Variants in BORA observed in about 807,000 individuals in gnomAD.
BORA encodes the protein BORA aurora kinase A activator.
Under a neutral mutation model 55.8 loss-of-function variants are expected in BORA, and 26 were observed. The ratio of observed to expected loss-of-function variants is 0.47; its 90% confidence interval spans 0.34 to 0.65. The LOEUF (loss-of-function observed/expected upper bound fraction) is 0.65. Ranked by LOEUF, BORA falls within the 30% of genes least tolerant of loss-of-function variation. The pLI is 0.01. For missense variants in BORA, 568 were observed against 671.5 expected, an observed-to-expected ratio of 0.85 and a Z score of 1.70; for synonymous variants, 201 against 216.9, an observed-to-expected ratio of 0.93 and a Z score of 0.64.
At chr13:72,735,099 T>A in intron 4 of BORA, 94 bp downstream of exon 4, 1 of 981,672 alleles carries the variant, frequency 1.0e-6, no homozygotes, top group South Asian at 1.4e-5. Flanking sequence ...ATTCCTTCAC[T>A]GTCCTATCTC....
At chr13:72,738,089 G>T in intron 5 of BORA, 46 bp downstream of exon 5, 1 of 1,407,588 alleles carries the variant, frequency 7.1e-7, no homozygotes, top group Non-Finnish European at 9.9e-7. Flanking sequence ...AAAAGTCGGT[G>T]AATATAAAGC....
In BORA at chr13:72,744,981, G is replaced by T. The variant is rs537006391; in HGVS notation, c.512G>T (p.Gly171Val). The part of the protein sequence containing the change: ...PVDFNLENIL[G>V]DYFRADEFAD... ...CCTTTTCTCCTATTATTAAATATAG[G>T]TGACTATTTTAGAGCTGATGAATTT... Residue 171 changes from glycine to valine, a missense_variant and splice_region_variant, in exon 8 of 12, where the codon GGT becomes GTT. Gly to Val is a moderately radical substitution (Grantham distance 109). Transcript: ENST00000390667. The T allele has an allele frequency of 6.2e-6, 10 of 1,612,230 alleles. No individual in the cohort carries two copies. Among genetic ancestry groups the T allele is most frequent in the Non-Finnish European group, 8.5e-6 (10 of 1,178,826 alleles).
chr13:72,728,102 G>C, intron 1 of BORA, 95 bp downstream of exon 1: 1 of 1,491,308 alleles, frequency 6.7e-7, no homozygotes, highest in Non-Finnish European at 9.1e-7. Flanking sequence ...CTCGCCCCTG[G>C]TGAATGGGAG....
rs773800333 is a variant in BORA, at chr13:72,746,900, T to C, written c.1271T>C (p.Val424Ala). 2 of 1,614,118 alleles carry C rather than the reference T, an allele frequency of 1.2e-6. No individual in the cohort carries two copies. The highest frequency in any genetic ancestry group is 1.7e-6 in the Non-Finnish European group (2 of 1,180,006). ...SEKELALLQDVEREKDNNTVD... is the reference protein window; with the variant it reads ...SEKELALLQDAEREKDNNTVD... ...AAAGAATTAGCACTGTTGCAGGATG[T>C]TGAAAGGGAGAAAGACAATAACACT... The change falls in exon 10 of 12, where the codon GTT (valine) becomes GCT (alanine). Residue 424 changes from valine (V) to alanine (A), a missense_variant. Physicochemically the swap from Val to Ala is moderately conservative, Grantham distance 64. Transcript: ENST00000390667.
At chr13:72,734,290 G>A (rs1253195552) in intron 3 of BORA, among the ~76,000 whole-genome samples, 2 of 150,650 alleles carry the variant, frequency 1.3e-5, no homozygotes, top group Non-Finnish European at 2.9e-5. Flanking sequence ...ATTCTTTCCT[G>A]TAATGGAATA....
chr13:72,735,425 T>A (rs942174317), intron 4 of BORA, among the ~76,000 whole-genome samples: 2 of 152,176 alleles, frequency 1.3e-5, no homozygotes, highest in Admixed American at 6.5e-5. Context: ...GCATTGGGAA[T>A]GGCTTTGTCT....
chr13:72,745,111 A>G lies in BORA; in HGVS notation c.642A>G (p.Gly214=), dbSNP rs1289586268. 1.2e-6 allele frequency: 2 copies of G among 1,614,052 alleles called. No homozygotes were observed. The highest frequency in any genetic ancestry group is 1.3e-5 in the African/African-American group (1 of 74,924). ...ACTCCTTACCTTCGGCTTCTCCCGG[A>G]AGTCCTCACAGTGGTGTTCAAACAT... ...ISDSLPSASP[G]SPHSGVQTSL... Residue 214 remains glycine (G), a synonymous_variant, in exon 8 of 12, where the codon GGA becomes GGG. Coordinates refer to ENST00000390667, the MANE Select transcript of BORA (RefSeq NM_024808.5).
intron 10 of BORA, 139 bp from the exon 11 acceptor site, chr13:72,753,551 T>G: frequency 1.2e-6 from 1 of 852,456 alleles, no homozygotes; most frequent in South Asian, 1.9e-5. Context: ...GCATTACTTT[T>G]GAATTTTGTT....
intron 6 of BORA, among the ~76,000 whole-genome samples, chr13:72,744,035 C>T (rs567552435): frequency 2.0e-5 from 3 of 152,230 alleles, no homozygotes; most frequent in South Asian, 4.1e-4. Flanking sequence ...CCAAGCCTGG[C>T]CTGTTTGGAT....
intron 10 of BORA, among the ~76,000 whole-genome samples, chr13:72,747,602 T>C (rs2033176735): frequency 6.6e-6 from 1 of 152,050 alleles, no homozygotes; most frequent in Non-Finnish European, 1.5e-5. Context: ...GGTGTGATCT[T>C]GGCTCAGTGC....
At chr13:72,731,818 G>T (rs1454360483) in intron 3 of BORA, among the ~76,000 whole-genome samples, 1 of 152,136 alleles carries the variant, frequency 6.6e-6, no homozygotes, top group African/African-American at 2.4e-5. Context: ...AAAGAGTTAC[G>T]TATGCACTGA....
chr13:72,740,776 A>C (rs1442247103), intron 5 of BORA, among the ~76,000 whole-genome samples: 1 of 152,178 alleles, frequency 6.6e-6, no homozygotes, highest in Non-Finnish European at 1.5e-5. Context: ...GAAAGGCCAG[A>C]TTTGCACCAT....
chr13:72,753,958 C>A, intron 11 of BORA, 137 bp downstream of exon 11: 1 of 872,484 alleles, frequency 1.1e-6, no homozygotes, highest in Non-Finnish European at 1.7e-6. Context: ...TTCTTAACAT[C>A]CAATAACCTT....
chr13:72,735,462 A>T, intron 4 of BORA, among the ~76,000 whole-genome samples: 1 of 152,196 alleles, frequency 6.6e-6, no homozygotes, highest in Admixed American at 6.5e-5. Flanking sequence ...TGGATTTTTA[A>T]GATATTCATG....
intron 10 of BORA, among the ~76,000 whole-genome samples, chr13:72,751,141 CA>C (rs1316413579): frequency 6.6e-6 from 1 of 152,104 alleles, no homozygotes; most frequent in East Asian, 1.9e-4. Context: ...TATAAGTAAA[CA>C]GTGCCTGAAC....
Position 72,746,525 on chromosome 13 carries a change from C to T in BORA, c.896C>T (p.Ser299Phe). ...GAACAAAGGAAGTTTACTGTTCATT[C>T]TCCTGATGCTTCATCTGGAACAAAT... Reference protein sequence around the residue: ...LSEQRKFTVHSPDASSGTNSN... With the variant: ...LSEQRKFTVHFPDASSGTNSN... The change falls in exon 10 of 12, where the codon TCT becomes TTT. Residue 299 changes from serine to phenylalanine, a missense_variant. Coordinates refer to ENST00000390667, the MANE Select transcript of BORA (RefSeq NM_024808.5). 6.2e-7 allele frequency: 1 copy of T among 1,612,288 alleles called. No homozygotes were observed. The highest frequency in any genetic ancestry group is 8.5e-7 in the Non-Finnish European group (1 of 1,178,702).
At chr13:72,748,728 TTCTCTCTCTC>T (rs58975643) in intron 10 of BORA, among the ~76,000 whole-genome samples, 46,514 of 137,660 alleles carry the variant, frequency 0.34, 9,560 homozygotes, top group African/African-American at 0.6. Flanking sequence ...TTTTTTCACT[TTCTCTCTCTC>T]TCTCTCTCTC....
intron 11 of BORA, chr13:72,754,703 T>A (rs2033396751): frequency 6.6e-6 from 1 of 152,664 alleles, no homozygotes; most frequent in African/African-American, 2.4e-5. Flanking sequence ...AAATGAAGGA[T>A]TTTTTTAAAT....
rs376875680 is a variant in BORA at position 72,737,503 on chromosome 13, T to G, written c.307-459T>G. ...TATTTAATTGTAAGTTTACATAATT[T>G]TATTTTTAATATTGGTTTTAACAAC... On this transcript the variant is annotated intron_variant, in intron 4 of 11. Coordinates refer to ENST00000390667, the MANE Select transcript of BORA (RefSeq NM_024808.5). Among the ~76,000 whole-genome samples the G allele has an allele frequency of 8.5e-5, 13 of 152,314 alleles. No homozygotes were observed. In the South Asian group the frequency reaches 2.3e-3, roughly 27 times the overall value.
Sources: allele counts gnomAD v4.1 joint callset (sites outside exome capture counted in the v4.1 genomes callset), GRCh38; gene constraint gnomAD v4.1.1; transcripts MANE v1.5; gene names NCBI Gene and HGNC (gene_info 2026-07-23, HGNC 2026-07-21).